PRR23E: variants seen among roughly 807,000 people sequenced by gnomAD.
PRR23E encodes proline-rich protein 23E.
the PRR23E span, among the ~76,000 whole-genome samples, chr3:127,194,021 A>C: frequency 6.6e-6 from 1 of 152,252 alleles, no homozygotes; most frequent in East Asian, 1.9e-4. Context: ...CTGGTCTGCC[A>C]CATGTTGGAG....
the PRR23E span, chr3:127,196,610 G>A: frequency 6.1e-6 from 9 of 1,473,708 alleles, no homozygotes; most frequent in South Asian, 1.2e-4. Flanking sequence ...GCCCCGTGAG[G>A]TGCGTGTGGC....
chr3:127,197,128 C>G, the PRR23E span: 1 of 1,596,602 alleles, frequency 6.3e-7, no homozygotes, highest in South Asian at 1.1e-5. Context: ...CTGGGCGGGG[C>G]CACCTCCAGC....
At chr3:127,195,457 A>G in the PRR23E span, among the ~76,000 whole-genome samples, 1 of 152,088 alleles carries the variant, frequency 6.6e-6, no homozygotes, top group Non-Finnish European at 1.5e-5. Context: ...CTCTGCCCCC[A>G]GGAAGTCCCT....
the PRR23E span, chr3:127,196,777 C>G: frequency 6.3e-7 from 1 of 1,597,216 alleles, no homozygotes; most frequent in Non-Finnish European, 8.5e-7. Flanking sequence ...CTGGCAGCCT[C>G]AACCCCCTGG....
the PRR23E span, chr3:127,196,706 G>T: frequency 6.3e-7 from 1 of 1,591,612 alleles, no homozygotes; most frequent in Non-Finnish European, 8.5e-7. Context: ...GTGCATCAGA[G>T]AAACAAGCAG....
At chr3:127,194,411 T>A in the PRR23E span, among the ~76,000 whole-genome samples, 1 of 152,220 alleles carries the variant, frequency 6.6e-6, no homozygotes, top group Non-Finnish European at 1.5e-5. Flanking sequence ...AGCCGTCCTG[T>A]GCCACAGGTT....
the PRR23E span, chr3:127,196,601 C>T: frequency 1.4e-6 from 2 of 1,456,738 alleles, no homozygotes; most frequent in Middle Eastern, 1.8e-4. Flanking sequence ...ATACCAGGAG[C>T]CCCGTGAGGT....
the PRR23E span, chr3:127,197,467 C>T: frequency 1.4e-6 from 2 of 1,423,876 alleles, no homozygotes; most frequent in Non-Finnish European, 1.8e-6. Flanking sequence ...TCTGGTGGAG[C>T]CCAGCCAGCT....
chr3:127,196,791 G>A, the PRR23E span: 1 of 1,597,776 alleles, frequency 6.3e-7, no homozygotes, highest in Non-Finnish European at 8.5e-7. Flanking sequence ...CCCCTGGGTG[G>A]CCATGGGCTC....
At chr3:127,196,918 A>ACC in the PRR23E span, 2 of 1,599,322 alleles carry the variant, frequency 1.3e-6, no homozygotes, top group Non-Finnish European at 1.7e-6. Flanking sequence ...TTCTGGGCTT[A>ACC]CCCGTGGGTG....
chr3:127,196,637 G>A, the PRR23E span: 10 of 1,519,406 alleles, frequency 6.6e-6, 1 homozygote, highest in Non-Finnish European at 8.8e-6. Context: ...TTGCAGAGGA[G>A]TGCACTTGCC....
At chr3:127,196,689 G>A in the PRR23E span, 1 of 1,588,150 alleles carries the variant, frequency 6.3e-7, no homozygotes, top group Non-Finnish European at 8.5e-7. Flanking sequence ...ATCTAAGATG[G>A]GCACAGGTGC....
chr3:127,194,362 A>G, the PRR23E span, among the ~76,000 whole-genome samples: 1 of 152,142 alleles, frequency 6.6e-6, no homozygotes, highest in Admixed American at 6.5e-5. Flanking sequence ...AAATCCCGTA[A>G]TGTTTTAAGT....
At chr3:127,196,715 A>G in the PRR23E span, 1 of 1,592,950 alleles carries the variant, frequency 6.3e-7, no homozygotes, top group African/African-American at 1.3e-5. Context: ...AGAAACAAGC[A>G]GAGCAGAAGG....
chr3:127,197,734 A>T, the PRR23E span: 1 of 209,922 alleles, frequency 4.8e-6, no homozygotes, highest in East Asian at 1.0e-4. Context: ...TTTAAGCTCA[A>T]TCCAACCTGT....
chr3:127,196,456 T>G, the PRR23E span: 1 of 624,980 alleles, frequency 1.6e-6, no homozygotes, highest in Non-Finnish European at 2.7e-6. Context: ...CAGGACACCT[T>G]GCTCCCCATC....
chr3:127,196,672 A>G, the PRR23E span: 1 of 1,577,714 alleles, frequency 6.3e-7, no homozygotes, highest in Non-Finnish European at 8.6e-7. Flanking sequence ...TTTGAAGAGC[A>G]CAGCTCATCT....
At chr3:127,194,023 A>G in the PRR23E span, among the ~76,000 whole-genome samples, 2 of 152,250 alleles carry the variant, frequency 1.3e-5, no homozygotes, top group Non-Finnish European at 2.9e-5. Flanking sequence ...GGTCTGCCAC[A>G]TGTTGGAGAT....
the PRR23E span, among the ~76,000 whole-genome samples, chr3:127,195,535 G>A: frequency 6.6e-5 from 10 of 152,138 alleles, no homozygotes; most frequent in Admixed American, 1.3e-4. Flanking sequence ...GACTCCAATG[G>A]GCAGCCTCCC....
Sources: gnomAD v4.1 joint callset for allele counts (sites outside exome capture counted in the v4.1 genomes callset) on GRCh38, gnomAD v4.1.1 for gene constraint, MANE v1.5 for transcripts, NCBI Gene and HGNC (gene_info 2026-07-23, HGNC 2026-07-21) for gene names.